Variants in MED12L observed in about 807,000 individuals in gnomAD.
The protein encoded by MED12L is mediator complex subunit 12L.
A neutral mutation model predicts 281.3 loss-of-function variants in MED12L; 60 were observed. That is an observed-to-expected ratio of 0.21 (90% confidence interval 0.17 to 0.26). The LOEUF (loss-of-function observed/expected upper bound fraction) is 0.26, where lower values mean the gene tolerates loss of function less well. MED12L is among the 10% of genes least tolerant of loss of function. The probability of loss-of-function intolerance (pLI) is 1.00; values close to 1 mark genes in which losing one functional copy is unlikely to be tolerated. For synonymous variants in MED12L, 974 were observed against 987.2 expected (o/e 0.99, Z 0.25); for missense variants, 2,146 against 2,680.9 (o/e 0.80, Z 4.41).
intron 16 of MED12L, among the ~76,000 whole-genome samples, chr3:151,215,422 A>G (rs1728008965): frequency 6.6e-6 from 1 of 151,936 alleles, no homozygotes; most frequent in African/African-American, 2.4e-5. Flanking sequence ...ATATTCTACA[A>G]ATGCTCTATT....
chr3:151,293,576 TAC>T (rs55846173), intron 16 of MED12L, among the ~76,000 whole-genome samples: 10,765 of 76,060 alleles, frequency 0.14, 739 homozygotes, highest in Middle Eastern at 0.18. Flanking sequence ...ATGAAGCCCT[TAC>T]ACACACACAC....
rs533343402 is a variant in MED12L at position 151,357,298 on chromosome 3, T to A, written c.2747T>A (p.Val916Asp). 1 of 1,613,956 alleles carries A rather than the reference T, an allele frequency of 6.2e-7. No individual in the cohort carries two copies. The highest frequency in any genetic ancestry group is 8.5e-7 in the Non-Finnish European group (1 of 1,179,890). ...GGAAGTTATACAACAGGACTGTGTGTCTGCATCGTGGCTGTTCTCAGGCGC... is the reference window on the plus strand; with the variant it reads ...GGAAGTTATACAACAGGACTGTGTGACTGCATCGTGGCTGTTCTCAGGCGC... ...LAGSYTTGLCVCIVAVLRRYH... is the reference protein window; with the variant it reads ...LAGSYTTGLCDCIVAVLRRYH... The change falls in exon 20 of 45, where the codon GTC becomes GAC. Residue 916 changes from valine to aspartate, a missense_variant. Physicochemically the swap from Val to Asp is radical, Grantham distance 152. Transcript: ENST00000687756.
At chr3:151,329,628 T>A in intron 16 of MED12L, 1 of 763,010 alleles carries the variant, frequency 1.3e-6, no homozygotes, top group Non-Finnish European at 2.1e-6. Context: ...CATTAGAACC[T>A]CTTCATATTT....
At chr3:151,216,829 AAG>A (rs1362864713) in intron 16 of MED12L, among the ~76,000 whole-genome samples, 2 of 152,220 alleles carry the variant, frequency 1.3e-5, no homozygotes, top group African/African-American at 4.8e-5. Context: ...TACTGTGACT[AAG>A]AGTCTGTGGC....
intron 16 of MED12L, chr3:151,198,641 C>G: frequency 6.2e-7 from 1 of 1,614,024 alleles, no homozygotes; most frequent in Non-Finnish European, 8.5e-7. Flanking sequence ...TTCTGTCTGG[C>G]TGAGGGTATA....
chr3:151,338,067 G>T (rs1325581551), intron 16 of MED12L: 1 of 1,613,896 alleles, frequency 6.2e-7, no homozygotes, highest in African/African-American at 1.3e-5. Flanking sequence ...TTGGCTCAGG[G>T]TGTAAGGAAT....
At chr3:151,353,611 T>A (rs1753518830) in intron 17 of MED12L, among the ~76,000 whole-genome samples, 1 of 152,236 alleles carries the variant, frequency 6.6e-6, no homozygotes, top group African/African-American at 2.4e-5. Flanking sequence ...TTTTTGACTG[T>A]AACCACTAAT....
intron 16 of MED12L, chr3:151,294,380 T>C (rs575711330): frequency 6.2e-7 from 1 of 1,614,060 alleles, no homozygotes; most frequent in Admixed American, 1.7e-5. Flanking sequence ...TAGGATTTTT[T>C]GTGCAGATTC....
intron 5 of MED12L, among the ~76,000 whole-genome samples, chr3:151,145,950 C>T (rs1205538422): frequency 6.6e-6 from 1 of 152,216 alleles, no homozygotes; most frequent in East Asian, 1.9e-4. Flanking sequence ...AGCCTCCTTT[C>T]CAGGGTTTCC....
intron 16 of MED12L, among the ~76,000 whole-genome samples, chr3:151,214,878 T>C (rs1727888446): frequency 6.6e-6 from 1 of 152,208 alleles, no homozygotes. Flanking sequence ...GTAATGTATT[T>C]TTTTAAAACC....
chr3:151,338,052 C>T (rs755459581), intron 16 of MED12L: 17 of 1,614,014 alleles, frequency 1.1e-5, no homozygotes, highest in South Asian at 3.3e-5. Flanking sequence ...AAAGACATCC[C>T]GGGTTTGGCT....
At chr3:151,308,870 T>G (rs1021889663) in intron 16 of MED12L, among the ~76,000 whole-genome samples, 1 of 152,192 alleles carries the variant, frequency 6.6e-6, no homozygotes, top group Non-Finnish European at 1.5e-5. Context: ...CTTAATGCTG[T>G]TTAAGTTAAT....
intron 31 of MED12L, among the ~76,000 whole-genome samples, chr3:151,378,442 A>G (rs1167611421): frequency 6.6e-6 from 1 of 151,994 alleles, no homozygotes; most frequent in Non-Finnish European, 1.5e-5. Flanking sequence ...CTTTAGACCA[A>G]CTGAATCAGA....
intron 9 of MED12L, among the ~76,000 whole-genome samples, chr3:151,164,795 G>T (rs549112437): frequency 3.3e-5 from 5 of 152,096 alleles, no homozygotes; most frequent in East Asian, 1.9e-4. Context: ...AGGTGGGAAT[G>T]GAACAGTGAG....
rs573553551 is a variant in MED12L, at chr3:151,112,878, T to A, written c.100-3460T>A. On this transcript the variant is annotated intron_variant, in intron 2 of 44. Transcript: ENST00000687756. Reference sequence around the variant, plus strand: ...CTCATGTTAATTGTTCAGAATAGGATGTCTTTCATTTATTCTTTGAACAAA... The same window carrying A: ...CTCATGTTAATTGTTCAGAATAGGAAGTCTTTCATTTATTCTTTGAACAAA... Among the ~76,000 whole-genome samples the A allele has an allele frequency of 2.0e-3, 310 of 152,306 alleles. 1 individual carries two copies. Among genetic ancestry groups the A allele is most frequent in the African/African-American group, 7.1e-3 (296 of 41,572 alleles).
chr3:151,214,354 T>C, intron 16 of MED12L: 1 of 1,566,426 alleles, frequency 6.4e-7, no homozygotes, highest in Non-Finnish European at 8.7e-7. Flanking sequence ...AAAAGAGGTG[T>C]GAACTGGTCA....
At chr3:151,199,333 C>T (rs148323443) in intron 16 of MED12L, 168 of 1,613,158 alleles carry the variant, frequency 1.0e-4, no homozygotes, top group African/African-American at 8.9e-4. Context: ...AAAAAAAATA[C>T]GTGAATGGCT....
At position 151,235,109 on chromosome 3, in the gene MED12L, T is replaced by G. The variant is rs532092787; in HGVS notation, c.2250+41443T>G. The stretch of plus-strand genomic sequence containing the variant: ...ACCAATATTCCTTGTAGATGTAGAT[T>G]ATTAAGCTACTTAGGTATTTTGGTC... On this transcript the variant is annotated intron_variant, in intron 16 of 44. Transcript: ENST00000687756. Among the ~76,000 whole-genome samples the G allele has an allele frequency of 2.1e-3, 318 of 152,330 alleles. 2 individuals are homozygous for G. The highest frequency in any genetic ancestry group is 7.5e-3 in the African/African-American group (312 of 41,578).
At chr3:151,223,260 G>C (rs946504195) in intron 16 of MED12L, among the ~76,000 whole-genome samples, 65 of 150,372 alleles carry the variant, frequency 4.3e-4, no homozygotes, top group Admixed American at 6.6e-4. Context: ...AATTAGTTCA[G>C]TCCCTATTGA....
Sources: gnomAD v4.1 joint callset for allele counts (sites outside exome capture counted in the v4.1 genomes callset) on GRCh38, gnomAD v4.1.1 for gene constraint, MANE v1.5 for transcripts, NCBI Gene and HGNC (gene_info 2026-07-23, HGNC 2026-07-21) for gene names.